ANKS1B: variants seen among roughly 807,000 people sequenced by gnomAD.
ANKS1B encodes the protein ankyrin repeat and sterile alpha motif domain containing 1B.
A neutral mutation model predicts 148.3 loss-of-function variants in ANKS1B; 36 were observed. That is an observed-to-expected ratio of 0.24 (90% CI 0.19 to 0.32). ANKS1B has a LOEUF of 0.32. Among genes scored for constraint, ANKS1B ranks in the 10% least tolerant of loss-of-function variants. ANKS1B has a pLI of 1.00. For missense variants in ANKS1B, 1,157 were observed against 1,542.6 expected (o/e 0.75, Z 4.19); for synonymous variants, 542 against 560.8 (o/e 0.97, Z 0.47).
chr12:99,502,304 T>C (rs2096663436), intron 10 of ANKS1B, among the ~76,000 whole-genome samples: 1 of 152,178 alleles, frequency 6.6e-6, no homozygotes, highest in Admixed American at 6.6e-5. Flanking sequence ...CTCATTCTTG[T>C]CAACTTCCAT....
At chr12:99,818,739 T>C (rs2082164714) in intron 2 of ANKS1B, among the ~76,000 whole-genome samples, 1 of 151,882 alleles carries the variant, frequency 6.6e-6, no homozygotes, top group Non-Finnish European at 1.5e-5. Flanking sequence ...CCAATGTAAA[T>C]AGCTGCAATA....
At chr12:99,876,709 G>A (rs184891173) in intron 1 of ANKS1B, among the ~76,000 whole-genome samples, 100 of 139,154 alleles carry the variant, frequency 7.2e-4, no homozygotes, top group African/African-American at 2.6e-3. Flanking sequence ...CAGACTGGGC[G>A]ACAGAGTGAC....
At chr12:99,978,118 A>C (rs1236327099) in intron 1 of ANKS1B, among the ~76,000 whole-genome samples, 1 of 152,222 alleles carries the variant, frequency 6.6e-6, no homozygotes, top group African/African-American at 2.4e-5. Flanking sequence ...AACTGAACTA[A>C]TCAAATTGTT....
At chr12:99,768,622 T>C (rs1430919628) in intron 8 of ANKS1B, among the ~76,000 whole-genome samples, 2 of 151,848 alleles carry the variant, frequency 1.3e-5, no homozygotes, top group Non-Finnish European at 2.9e-5. Context: ...GGTCGGGAGA[T>C]CGAGACCATC....
chr12:99,186,163 G>A (rs2079820464), intron 14 of ANKS1B, among the ~76,000 whole-genome samples: 1 of 152,164 alleles, frequency 6.6e-6, no homozygotes, highest in African/African-American at 2.4e-5. Context: ...GATTGGTAAA[G>A]CTGCTGTAGC....
intron 1 of ANKS1B, among the ~76,000 whole-genome samples, chr12:99,848,696 T>C (rs1395297020): frequency 6.6e-6 from 1 of 151,800 alleles, no homozygotes; most frequent in African/African-American, 2.4e-5. Flanking sequence ...TATATAAAAA[T>C]AAATTCTAGA....
chr12:99,392,638 C>A (rs968638981), intron 12 of ANKS1B, among the ~76,000 whole-genome samples: 1 of 152,176 alleles, frequency 6.6e-6, no homozygotes, highest in African/African-American at 2.4e-5. Context: ...TTGGACACAG[C>A]TTTCTATAAA....
intron 15 of ANKS1B, among the ~76,000 whole-genome samples, chr12:99,140,430 T>C (rs970170799): frequency 2.6e-5 from 4 of 152,178 alleles, no homozygotes; most frequent in Admixed American, 1.3e-4. Context: ...CAATATATTA[T>C]GAGGGTAAGA....
At chr12:99,851,020 A>G (rs2087742991) in intron 1 of ANKS1B, among the ~76,000 whole-genome samples, 1 of 152,108 alleles carries the variant, frequency 6.6e-6, no homozygotes, top group Non-Finnish European at 1.5e-5. Flanking sequence ...AATTCTAAGC[A>G]TAAGTTTTAG....
chr12:98,955,992 T>A (rs1488756948), intron 17 of ANKS1B, among the ~76,000 whole-genome samples: 4 of 152,208 alleles, frequency 2.6e-5, no homozygotes, highest in Non-Finnish European at 5.9e-5. Context: ...AATCAGACTC[T>A]TCTGACCAAG....
chr12:99,121,410 C>T (rs530515352), intron 15 of ANKS1B, among the ~76,000 whole-genome samples: 3 of 150,758 alleles, frequency 2.0e-5, no homozygotes, highest in Middle Eastern at 6.8e-3. Context: ...TTCTTATCAA[C>T]ACTATAGGGA....
At chr12:99,413,657 C>T (rs2094795504) in intron 11 of ANKS1B, among the ~76,000 whole-genome samples, 2 of 152,144 alleles carry the variant, frequency 1.3e-5, no homozygotes, top group South Asian at 2.1e-4. Flanking sequence ...ATCTTTATAT[C>T]TCCTGACTTT....
downstream of ANKS1B, among the ~76,000 whole-genome samples, chr12:98,742,407 C>CTGT (rs2153353807): frequency 6.7e-6 from 1 of 150,042 alleles, no homozygotes; most frequent in South Asian, 2.1e-4. Context: ...AAAACAAAAA[C>CTGT]TGTTTTAATA....
At chr12:99,457,184 G>A (rs2095860800) in intron 10 of ANKS1B, among the ~76,000 whole-genome samples, 1 of 151,984 alleles carries the variant, frequency 6.6e-6, no homozygotes, top group African/African-American at 2.4e-5. Flanking sequence ...AAAAAAGATG[G>A]TGTTTTTCAG....
chr12:99,025,042 C>T (rs1328708827), intron 17 of ANKS1B, among the ~76,000 whole-genome samples: 1 of 152,086 alleles, frequency 6.6e-6, no homozygotes, highest in Non-Finnish European at 1.5e-5. Flanking sequence ...CTGGTGATTC[C>T]CCGGTAACTC....
chr12:99,527,228 C>T (rs777580900), intron 9 of ANKS1B, among the ~76,000 whole-genome samples: 1 of 152,018 alleles, frequency 6.6e-6, no homozygotes, highest in Non-Finnish European at 1.5e-5. Context: ...AAAAGGTACT[C>T]GTTGAAAAAC....
At chr12:98,836,448 T>A (rs2099363839) in intron 17 of ANKS1B, among the ~76,000 whole-genome samples, 1 of 152,062 alleles carries the variant, frequency 6.6e-6, no homozygotes, top group Non-Finnish European at 1.5e-5. Context: ...ACAGTGGGCT[T>A]CAAAACGCCC....
chr12:99,767,227 GAGGCAT>G (rs1245371054), intron 8 of ANKS1B, among the ~76,000 whole-genome samples: 6 of 151,876 alleles, frequency 4.0e-5, no homozygotes, highest in Admixed American at 1.3e-4. Flanking sequence ...TAACAGAAAA[GAGGCAT>G]AGTTGCTGAA....
intron 9 of ANKS1B, among the ~76,000 whole-genome samples, chr12:99,637,957 G>C (rs1567534867): frequency 6.6e-6 from 1 of 151,810 alleles, no homozygotes; most frequent in Non-Finnish European, 1.5e-5. Flanking sequence ...CTGGTGGGAG[G>C]TAATTAAATC....
Sources: gnomAD v4.1 joint callset for allele counts (sites outside exome capture counted in the v4.1 genomes callset) on GRCh38, gnomAD v4.1.1 for gene constraint, MANE v1.5 for transcripts, NCBI Gene and HGNC (gene_info 2026-07-23, HGNC 2026-07-21) for gene names.